Variants in ADAM9 observed in about 807,000 individuals in gnomAD.
The protein encoded by ADAM9 is disintegrin and metalloproteinase domain-containing protein 9.
A neutral mutation model predicts 108.1 loss-of-function variants in ADAM9; 54 were observed. That is an observed-to-expected ratio of 0.50 (90% CI 0.40 to 0.63). The LOEUF is 0.63. Among genes scored for constraint, ADAM9 ranks in the 20% least tolerant of loss-of-function variants. The pLI is 0.00. For missense variants in ADAM9, 830 were observed against 997.7 expected (o/e 0.83, Z 2.26); for synonymous variants, 316 against 336.0 (o/e 0.94, Z 0.65).
chr8:39,059,410 C>T (rs1332589040), intron 14 of ADAM9, among the ~76,000 whole-genome samples: 1 of 52,242 alleles, frequency 1.9e-5, no homozygotes, highest in Non-Finnish European at 3.6e-5. Flanking sequence ...AGAATTTGGG[C>T]ACTTAGCAGC....
chr8:39,088,444 A>G (rs968540362), intron 18 of ADAM9, among the ~76,000 whole-genome samples: 1 of 151,874 alleles, frequency 6.6e-6, no homozygotes, highest in African/African-American at 2.4e-5. Context: ...TTTTTAGTAG[A>G]GACGGGGCTT....
intron 15 of ADAM9, among the ~76,000 whole-genome samples, chr8:39,073,502 C>T (rs983151441): frequency 6.6e-6 from 1 of 152,164 alleles, no homozygotes; most frequent in Non-Finnish European, 1.5e-5. Flanking sequence ...CGCTGTTCCT[C>T]ACTAAACTGT....
chr8:39,026,927 G>T, intron 11 of ADAM9, 117 bp downstream of exon 11: 2 of 1,319,080 alleles, frequency 1.5e-6, no homozygotes, highest in Non-Finnish European at 2.1e-6. Context: ...CCGGTTTGCT[G>T]AAATTAATTG....
chr8:39,017,511 T>TC, intron 6 of ADAM9, 97 bp downstream of exon 6: 9 of 1,371,202 alleles, frequency 6.6e-6, no homozygotes, highest in Non-Finnish European at 9.1e-6. Context: ...TGTTTTTTTT[T>TC]CTTTTCTTAA....
At chr8:39,087,185 C>G (rs758480942) in intron 18 of ADAM9, among the ~76,000 whole-genome samples, 3 of 152,178 alleles carry the variant, frequency 2.0e-5, no homozygotes, top group Non-Finnish European at 4.4e-5. Flanking sequence ...GTGCCCACAC[C>G]CGAGTGTCTG....
At chr8:39,099,707 T>C (rs1313825662) in intron 20 of ADAM9, among the ~76,000 whole-genome samples, 1 of 152,216 alleles carries the variant, frequency 6.6e-6, no homozygotes, top group Non-Finnish European at 1.5e-5. Context: ...CATAGTTGTA[T>C]ACATTTATGG....
intron 1 of ADAM9, among the ~76,000 whole-genome samples, chr8:39,004,345 C>G (rs1347662700): frequency 6.6e-6 from 1 of 151,992 alleles, no homozygotes; most frequent in Admixed American, 6.6e-5. Context: ...TCCTGAGTAG[C>G]TGGGACCACA....
rs1235669916 is a variant in ADAM9, at chr8:39,037,456, G to GTT, written c.1131-4489_1131-4488insTT. The stretch of plus-strand genomic sequence containing the variant: ...TATATATTTAAGTGTGTGTGTGTGT[G>GTT]TGTTTTTTTTTTTTTTTTGGAGACA... On this transcript the variant is annotated intron_variant, in intron 11 of 21. Transcript: ENST00000487273. 2.4e-3 allele frequency among the ~76,000 whole-genome samples: 298 copies of GTT among 126,044 alleles called. 1 individual carries two copies. The highest frequency in any genetic ancestry group is 8.6e-3 in the African/African-American group (283 of 32,804). 82.7% of individuals were successfully genotyped at this position (126,044 alleles called of 152,430 possible).
chr8:39,045,385 G>GTGCGTGTGTACACACACACCTATATGTGC (rs1554579176), intron 12 of ADAM9, among the ~76,000 whole-genome samples: 1 of 15,950 alleles, frequency 6.3e-5, no homozygotes, highest in Non-Finnish European at 1.2e-4. Context: ...TACACCTATA[G>GTGCGTGTGTACACACACACCTATATGTGC]GTGTGTGTAC....
chr8:39,018,585 A>G, intron 6 of ADAM9: 1 of 467,254 alleles, frequency 2.1e-6, no homozygotes, highest in Non-Finnish European at 3.9e-6. Flanking sequence ...ATTAGTGCAG[A>G]TAGCAGATAA....
intron 1 of ADAM9, among the ~76,000 whole-genome samples, chr8:39,002,731 AGTTAGAGAAAGAAAGAAGT>A (rs1836041599): frequency 6.6e-6 from 1 of 152,220 alleles, no homozygotes; most frequent in African/African-American, 2.4e-5. Context: ...AGATCTACGG[AGTTAGAGAAAGAAAGAAGT>A]GCAACTAACA....
Position 39,050,843 on chromosome 8 carries a change from T to G in ADAM9, c.1303-3638T>G, listed in dbSNP as rs984453289. ...AAGCTTGGAAGTGTTTTTTTTTTTT[T>G]TTTTTTTTTTTTAATCACTATGTTA... On this transcript the variant is annotated intron_variant, in intron 12 of 21. Coordinates refer to ENST00000487273, the MANE Select transcript of ADAM9 (RefSeq NM_003816.3). Among the ~76,000 whole-genome samples the G allele has an allele frequency of 4.5e-3, 676 of 150,460 alleles. 5 individuals are homozygous for G. Among genetic ancestry groups the G allele is most frequent in the African/African-American group, 0.014 (582 of 40,872 alleles).
intron 1 of ADAM9, among the ~76,000 whole-genome samples, chr8:39,006,396 A>G (rs1480739385): frequency 1.3e-5 from 2 of 151,940 alleles, no homozygotes; most frequent in African/African-American, 2.4e-5. Flanking sequence ...AACATTTTAT[A>G]TACAATGTTA....
chr8:39,045,570 G>GTGTGTGTGTATATATATATA (rs1837738753), intron 12 of ADAM9, among the ~76,000 whole-genome samples: 1 of 95,194 alleles, frequency 1.1e-5, no homozygotes, highest in African/African-American at 3.2e-5. Context: ...GTGTGTGTGT[G>GTGTGTGTGTATATATATATA]TATATATATA....
chr8:39,093,428 C>T (rs1440796554), intron 20 of ADAM9, among the ~76,000 whole-genome samples: 2 of 152,016 alleles, frequency 1.3e-5, no homozygotes, highest in Non-Finnish European at 2.9e-5. Context: ...TAGTGATTTT[C>T]ATATGTTGAT....
chr8:39,060,257 G>T (rs999610436), intron 14 of ADAM9, among the ~76,000 whole-genome samples: 1 of 152,246 alleles, frequency 6.6e-6, no homozygotes, highest in Non-Finnish European at 1.5e-5. Context: ...ATAGGGAACT[G>T]TCGGAGGCGC....
intron 15 of ADAM9, among the ~76,000 whole-genome samples, chr8:39,075,592 T>G (rs1838829717): frequency 1.3e-5 from 2 of 152,252 alleles, no homozygotes; most frequent in African/African-American, 4.8e-5. Context: ...CCTGTTTACA[T>G]CTTTGCTAAT....
At position 39,092,365 on chromosome 8, in the gene ADAM9, A is replaced by G. The variant is rs138053261; in HGVS notation, c.2298+1019A>G. 1.9e-3 allele frequency among the ~76,000 whole-genome samples: 283 copies of G among 149,698 alleles called. 1 individual carries two copies. The highest frequency in any genetic ancestry group is 1.3e-3 in the Admixed American group (19 of 15,062). On this transcript the variant is annotated intron_variant, in intron 20 of 21. Transcript: ENST00000487273. ...ACACACACACACACACAATCTCCCT[A>G]TTCCACCCCCTTTATCTTTATAAAA...
intron 20 of ADAM9, among the ~76,000 whole-genome samples, chr8:39,091,743 TC>T (rs1224659692): frequency 6.6e-6 from 1 of 152,274 alleles, no homozygotes; most frequent in Non-Finnish European, 1.5e-5. Context: ...CGCCTTGGCC[TC>T]CCAAAGTGCT....
Sources: allele counts gnomAD v4.1 joint callset (sites outside exome capture counted in the v4.1 genomes callset), GRCh38; gene constraint gnomAD v4.1.1; transcripts MANE v1.5; gene names NCBI Gene and HGNC (gene_info 2026-07-23, HGNC 2026-07-21).